Variants in MAB21L1 observed in about 807,000 individuals in gnomAD.
MAB21L1 encodes mab-21 like 1.
MAB21L1 carries 8 observed loss-of-function variants against 28.9 expected under a neutral mutation model. The observed-to-expected ratio is 0.28, with a 90% CI of 0.16 to 0.50. MAB21L1 has a LOEUF of 0.50. Among genes scored for constraint, MAB21L1 ranks in the 20% least tolerant of loss-of-function variants. The probability of loss-of-function intolerance (pLI) is 0.98; values close to 1 mark genes in which losing one functional copy is unlikely to be tolerated. For synonymous variants in MAB21L1, 219 were observed against 198.2 expected (o/e 1.10, Z -0.88); for missense variants, 388 against 466.5 (o/e 0.83, Z 1.55).
rs540489676 is a variant in MAB21L1, at chr13:35,476,467, T to G, written c.-329A>C. 21 of 799,768 alleles carry G rather than the reference T, an allele frequency of 2.6e-5. No individual in the cohort carries two copies. In the East Asian group the frequency reaches 5.6e-4, roughly 21 times the overall value. 49.5% of individuals were successfully genotyped at this position (799,768 alleles called of 1,614,324 possible). A position where few individuals can be genotyped will look rare whatever the true frequency, so the allele number is the denominator to read the frequency against. On this transcript the variant is annotated 5_prime_UTR_variant, in exon 1 of 1. It removes an upstream start codon present in the reference 5' UTR. Transcript: ENST00000379919. ...AGAATCCTTGTGTGAGAGAACCGCATGGAGAGATCACCTTCTCAGGAATAA... is the reference window on the plus strand; with the variant it reads ...AGAATCCTTGTGTGAGAGAACCGCAGGGAGAGATCACCTTCTCAGGAATAA...
At position 35,473,907 on chromosome 13, in the gene MAB21L1, G is replaced by A. The variant is rs147209693; in HGVS notation, c.*1152C>T. On this transcript the variant is annotated 3_prime_UTR_variant, in exon 1 of 1. Coordinates refer to ENST00000379919, the MANE Select transcript of MAB21L1 (RefSeq NM_005584.5). ...GATTTTTAACTCAGTCATCTCTACT[G>A]TCATGATAGACTTTTTTTCTTATAT... is the stretch of plus-strand genomic sequence containing the variant. Among the ~76,000 whole-genome samples the A allele has an allele frequency of 8.5e-5, 13 of 152,166 alleles. No homozygotes were observed. Among genetic ancestry groups the A allele is most frequent in the Non-Finnish European group, 1.6e-4 (11 of 67,980 alleles).
chr13:35,476,093 A>G lies in MAB21L1; in HGVS notation c.46T>C (p.Tyr16His). ...AKLVYHLNKY[Y>H]NEKCQARKAA... ...TTCCTGGCTTGGCATTTTTCGTTGTAGTATTTATTCAGATGGTAGACCAGC... is the reference window on the plus strand; with the variant it reads ...TTCCTGGCTTGGCATTTTTCGTTGTGGTATTTATTCAGATGGTAGACCAGC... Residue 16 changes from tyrosine to histidine, a missense_variant, in exon 1 of 1, where the codon TAC becomes CAC. Physicochemically the swap from Tyr to His is moderately conservative, Grantham distance 83. Coordinates refer to ENST00000379919, the MANE Select transcript of MAB21L1 (RefSeq NM_005584.5). 2 of 1,614,160 alleles carry G rather than the reference A, an allele frequency of 1.2e-6. No individual in the cohort carries two copies. Among genetic ancestry groups the G allele is most frequent in the Non-Finnish European group, 1.7e-6 (2 of 1,180,030 alleles).
rs754906601 is a variant in MAB21L1 at position 35,475,482 on chromosome 13, G to A, written c.657C>T (p.Ala219=). ...CGCTCTCCGCCGAGCTCTGCTTGCC[G>A]GCCAAGGAGTGGCACTCCTTGGACA... ...NLLSKECHSL[A]GKQSSAESDA... The change falls in exon 1 of 1, where the codon GCC becomes GCT. Residue 219 remains alanine, a synonymous_variant. Transcript: ENST00000379919. 10 of 1,612,308 alleles carry A rather than the reference G, an allele frequency of 6.2e-6. No individual in the cohort carries two copies. The highest frequency in any genetic ancestry group is 8.5e-6 in the Non-Finnish European group (10 of 1,179,918).
chr13:35,476,620 G>T lies in MAB21L1; in HGVS notation c.-482C>A. 2.0e-6 allele frequency: 1 copy of T among 498,882 alleles called. No individual in the cohort carries two copies. The highest frequency in any genetic ancestry group is 3.7e-6 in the Non-Finnish European group (1 of 273,354). The allele number at this position is 498,882 out of a possible 1,614,324, so 30.9% of individuals were successfully genotyped here. A position where few individuals can be genotyped will look rare whatever the true frequency, so the allele number is the denominator to read the frequency against. On this transcript the variant is annotated 5_prime_UTR_variant, in exon 1 of 1. Coordinates refer to ENST00000379919, the MANE Select transcript of MAB21L1 (RefSeq NM_005584.5). ...GCACTGTTAATCAAATGGAGGAAAA[G>T]TGTGCTGAGTGTGTGTCCGGGGTGA...
rs752510839 is a variant in MAB21L1, at chr13:35,475,896, G to A, written c.243C>T (p.Asn81=). The A allele has an allele frequency of 6.8e-6, 11 of 1,613,988 alleles. No individual in the cohort carries two copies. The highest frequency in any genetic ancestry group is 4.0e-5 in the African/African-American group (3 of 74,894). The change falls in exon 1 of 1, where the codon AAC becomes AAT. Residue 81 remains asparagine, a synonymous_variant. Transcript: ENST00000379919. ...CCACGAAGTTGAACACCCCCATTTG[G>A]TTGAGATAAAGCACCACTTCAAATT... The part of the protein sequence containing the change: ...PTEFEVVLYL[N]QMGVFNFVDD...
chr13:35,476,585 T>G lies in MAB21L1; in HGVS notation c.-447A>C. The G allele has an allele frequency of 1.8e-6, 1 of 552,564 alleles. No individual in the cohort carries two copies. 34.2% of individuals were successfully genotyped at this position (552,564 alleles called of 1,614,324 possible). ...TTTATTTGCGCTTTCCCGTAATCAT[T>G]GTGTGTGCAGCACTGTTAATCAAAT... On this transcript the variant is annotated 5_prime_UTR_variant, in exon 1 of 1. Transcript: ENST00000379919.
At position 35,476,113 on chromosome 13, in the gene MAB21L1, A is replaced by C; in HGVS notation, c.26T>G (p.Val9Gly). ...GTTGTAGTATTTATTCAGATGGTAGACCAGCTTGGCCTGGGCCGCAATCAT... is the reference window on the plus strand; with the variant it reads ...GTTGTAGTATTTATTCAGATGGTAGCCCAGCTTGGCCTGGGCCGCAATCAT... MIAAQAKL[V>G]YHLNKYYNEK... The change falls in exon 1 of 1, where the codon GTC becomes GGC. Residue 9 changes from valine (V) to glycine (G), a missense_variant. This residue lies in a region of MAB21L1 where 89 missense variants were observed against 92.2 expected (regional missense o/e 0.97). Transcript: ENST00000379919. The C allele has an allele frequency of 3.7e-6, 6 of 1,614,152 alleles. No individual in the cohort carries two copies. The highest frequency in any genetic ancestry group is 5.1e-6 in the Non-Finnish European group (6 of 1,180,024).
Position 35,476,385 on chromosome 13 carries a change from C to G in MAB21L1, c.-247G>C. 8.6e-7 allele frequency: 1 copy of G among 1,157,518 alleles called. No individual in the cohort carries two copies. Among genetic ancestry groups the G allele is most frequent in the Admixed American group, 2.0e-5 (1 of 50,008 alleles). 71.7% of individuals were successfully genotyped at this position (1,157,518 alleles called of 1,614,324 possible). On this transcript the variant is annotated 5_prime_UTR_variant, in exon 1 of 1. Transcript: ENST00000379919. ...CCTTCCTTTTATCTTTGAGCCCAGC[C>G]GTTCTTAAAGTGAAAGACTGTCCTC...
Position 35,475,036 on chromosome 13 carries a change from T to C in MAB21L1, c.*23A>G. 1.3e-6 allele frequency: 2 copies of C among 1,598,942 alleles called. No individual in the cohort carries two copies. Among genetic ancestry groups the C allele is most frequent in the East Asian group, 4.5e-5 (2 of 44,678 alleles). ...AAGGACTTTGAGAAGGGTAATAATT[T>C]CGGCTCTTGATTAAATCATCCTCTA... On this transcript the variant is annotated 3_prime_UTR_variant, in exon 1 of 1. Transcript: ENST00000379919.
Position 35,476,509 on chromosome 13 carries a change from T to G in MAB21L1, c.-371A>C. 1.5e-6 allele frequency: 1 copy of G among 660,858 alleles called. No individual in the cohort carries two copies. Among genetic ancestry groups the G allele is most frequent in the Non-Finnish European group, 2.7e-6 (1 of 376,446 alleles). The allele number at this position is 660,858 out of a possible 1,614,324, so 40.9% of individuals were successfully genotyped here. ...CAGGAATAAAAAACAAAAGTTGCGCTGAGACCCAGCAAAGCTCTTCCAGTA... is the reference window on the plus strand; with the variant it reads ...CAGGAATAAAAAACAAAAGTTGCGCGGAGACCCAGCAAAGCTCTTCCAGTA... On this transcript the variant is annotated 5_prime_UTR_variant, in exon 1 of 1. Coordinates refer to ENST00000379919, the MANE Select transcript of MAB21L1 (RefSeq NM_005584.5).
chr13:35,474,455 C>A lies in MAB21L1; in HGVS notation c.*604G>T, dbSNP rs1348556397. 6.6e-6 allele frequency: 1 copy of A among 152,536 alleles called. No individual in the cohort carries two copies. Among genetic ancestry groups the A allele is most frequent in the Non-Finnish European group, 1.5e-5 (1 of 68,022 alleles). 9.4% of individuals were successfully genotyped at this position (152,536 alleles called of 1,614,324 possible). A position where few individuals can be genotyped will look rare whatever the true frequency, so the allele number is the denominator to read the frequency against. On this transcript the variant is annotated 3_prime_UTR_variant, in exon 1 of 1. Transcript: ENST00000379919. The stretch of plus-strand genomic sequence containing the variant: ...AACAAAATGTAAACTTTTTAAAGTT[C>A]AGACACTTTCAAAGACAGATAAAAG...
Position 35,474,788 on chromosome 13 carries a change from T to C in MAB21L1, c.*271A>G. 2.5e-6 allele frequency: 1 copy of C among 398,966 alleles called. No homozygotes were observed. Among genetic ancestry groups the C allele is most frequent in the Non-Finnish European group, 4.5e-6 (1 of 222,276 alleles). The allele number at this position is 398,966 out of a possible 1,614,324, so 24.7% of individuals were successfully genotyped here. On this transcript the variant is annotated 3_prime_UTR_variant, in exon 1 of 1. Transcript: ENST00000379919. ...CGTTACAGCTGGGCTGTTTACGGAG[T>C]GTTACGGTGTACTTTTCAAGGGAGA...
rs2075855924 is a variant in MAB21L1, at chr13:35,476,185, G to A, written c.-47C>T. On this transcript the variant is annotated 5_prime_UTR_variant, in exon 1 of 1. Coordinates refer to ENST00000379919, the MANE Select transcript of MAB21L1 (RefSeq NM_005584.5). ...GTACACCGGAGTCTCGCAGTAAGCT[G>A]TGGGATCCAATGCGGCTGCTAGAGC... The A allele has an allele frequency of 1.2e-6, 2 of 1,611,794 alleles. No homozygotes were observed. Among genetic ancestry groups the A allele is most frequent in the Non-Finnish European group, 1.7e-6 (2 of 1,178,286 alleles).
Position 35,476,358 on chromosome 13 carries a change from TC to T in MAB21L1, c.-221del. On this transcript the variant is annotated 5_prime_UTR_variant, in exon 1 of 1. Transcript: ENST00000379919. Reference sequence around the variant, plus strand: ...CTGCTGCTGCTGCTGCTGCTGCTTTTCCCTTCCTTTTATCTTTGAGCCCAGC... The same window carrying T: ...CTGCTGCTGCTGCTGCTGCTGCTTTTCCTTCCTTTTATCTTTGAGCCCAGC... The T allele has an allele frequency of 8.0e-7, 1 of 1,245,230 alleles. No homozygotes were observed. Among genetic ancestry groups the T allele is most frequent in the East Asian group, 2.5e-5 (1 of 39,934 alleles). 77.1% of individuals were successfully genotyped at this position (1,245,230 alleles called of 1,614,324 possible). A position where few individuals can be genotyped will look rare whatever the true frequency, so the allele number is the denominator to read the frequency against.
Position 35,475,647 on chromosome 13 carries a change from A to G in MAB21L1, c.492T>C (p.Asp164=). The part of the protein sequence containing the change: ...DTSEVKLRIR[D]RYVVQITPAF... The stretch of plus-strand genomic sequence containing the variant: ...CCGGCGTGATCTGCACCACGTACCT[A>G]TCTCGGATTCTCAGTTTCACTTCGC... Residue 164 remains aspartate (D), a synonymous_variant, in exon 1 of 1, where the codon GAT becomes GAC. Coordinates refer to ENST00000379919, the MANE Select transcript of MAB21L1 (RefSeq NM_005584.5). The G allele has an allele frequency of 1.2e-6, 2 of 1,613,592 alleles. No individual in the cohort carries two copies. Among genetic ancestry groups the G allele is most frequent in the Non-Finnish European group, 1.7e-6 (2 of 1,179,938 alleles).
Position 35,476,073 on chromosome 13 carries a change from G to C in MAB21L1, c.66C>G (p.Ala22=). ...TAGTTTTGGCAATGGCAGCTTTCCT[G>C]GCTTGGCATTTTTCGTTGTAGTATT... is the stretch of plus-strand genomic sequence containing the variant. ...LNKYYNEKCQ[A]RKAAIAKTIR... Residue 22 remains alanine, a synonymous_variant, in exon 1 of 1, where the codon GCC becomes GCG. Transcript: ENST00000379919. The C allele has an allele frequency of 6.8e-6, 11 of 1,614,212 alleles. No homozygotes were observed. The highest frequency in any genetic ancestry group is 9.3e-6 in the Non-Finnish European group (11 of 1,180,040).
chr13:35,475,434 C>A lies in MAB21L1; in HGVS notation c.705G>T (p.Ala235=), dbSNP rs772560521. Residue 235 remains alanine (A), a synonymous_variant, in exon 1 of 1, where the codon GCG becomes GCT. Coordinates refer to ENST00000379919, the MANE Select transcript of MAB21L1 (RefSeq NM_005584.5). ...CCATCTGCAGTCTGTTCTCTGCCTC[C>A]GCGAACTGCAGCACCCAGGCGTCGC... is the stretch of plus-strand genomic sequence containing the variant. ...AESDAWVLQF[A]EAENRLQMGG... is the part of the protein sequence containing the mutation. 9 of 1,613,386 alleles carry A rather than the reference C, an allele frequency of 5.6e-6. No homozygotes were observed. Among genetic ancestry groups the A allele is most frequent in the Non-Finnish European group, 7.6e-6 (9 of 1,179,926 alleles).
In MAB21L1 at chr13:35,474,894, C is replaced by CT; in HGVS notation, c.*164dup. 1.1e-6 allele frequency: 1 copy of CT among 871,958 alleles called. No homozygotes were observed. The allele number at this position is 871,958 out of a possible 1,614,324, so 54.0% of individuals were successfully genotyped here. ...ATCCGCTTCCCCTACTTTTTCTCCCCTTGTGGGGGTGGGTGAGATGATGTT... is the reference window on the plus strand; with the variant it reads ...ATCCGCTTCCCCTACTTTTTCTCCCCTTTGTGGGGGTGGGTGAGATGATGTT... On this transcript the variant is annotated 3_prime_UTR_variant, in exon 1 of 1. Transcript: ENST00000379919.
rs1242895295 is a variant in MAB21L1, at chr13:35,476,330, CTG to C, written c.-194_-193del. On this transcript the variant is annotated 5_prime_UTR_variant, in exon 1 of 1. Coordinates refer to ENST00000379919, the MANE Select transcript of MAB21L1 (RefSeq NM_005584.5). The stretch of plus-strand genomic sequence containing the variant: ...GCTGCTGCTGCTGCTGCTGCTGCTG[CTG>C]CTGCTGCTGCTGCTGCTGCTGCTTT... The C allele has an allele frequency of 2.5e-4, 311 of 1,243,522 alleles. 1 individual carries two copies. Among genetic ancestry groups the C allele is most frequent in the South Asian group, 1.0e-3 (77 of 75,266 alleles). The allele number at this position is 1,243,522 out of a possible 1,614,324, so 77.0% of individuals were successfully genotyped here. A position where few individuals can be genotyped will look rare whatever the true frequency, so the allele number is the denominator to read the frequency against.
Sources: allele counts gnomAD v4.1 joint callset (sites outside exome capture counted in the v4.1 genomes callset), GRCh38; gene constraint gnomAD v4.1.1; regional missense constraint gnomAD v4.1.1; transcripts MANE v1.5; gene names NCBI Gene and HGNC (gene_info 2026-07-23, HGNC 2026-07-21).